CCDC30: variants seen among roughly 807,000 people sequenced by gnomAD.
CCDC30 encodes the protein coiled-coil domain-containing protein 30.
Under a neutral mutation model 100.2 loss-of-function variants are expected in CCDC30, and 70 were observed. The ratio of observed to expected loss-of-function variants is 0.70; its 90% confidence interval spans 0.58 to 0.85. The LOEUF is 0.85. CCDC30 is among the 40% of genes least tolerant of loss of function. The pLI is 0.00. For synonymous variants in CCDC30, 233 were observed against 269.5 expected, an observed-to-expected ratio of 0.86 and a Z score of 1.33; for missense variants, 652 against 771.2, an observed-to-expected ratio of 0.85 and a Z score of 1.83.
chr1:42,631,962 G>C (rs979314418), intron 11 of CCDC30, among the ~76,000 whole-genome samples: 2 of 152,114 alleles, frequency 1.3e-5, no homozygotes, highest in African/African-American at 4.8e-5. Flanking sequence ...CCTTCCTGGT[G>C]CTCTACCCTA....
At chr1:42,548,906 G>C (rs948008596) in intron 6 of CCDC30, among the ~76,000 whole-genome samples, 2 of 152,158 alleles carry the variant, frequency 1.3e-5, no homozygotes, top group Non-Finnish European at 2.9e-5. Context: ...AAGCCAAGTT[G>C]ATTGATTGAT....
chr1:42,585,095 A>ATT (rs1646042246), intron 9 of CCDC30, among the ~76,000 whole-genome samples: 1 of 152,074 alleles, frequency 6.6e-6, no homozygotes, highest in African/African-American at 2.4e-5. Flanking sequence ...TAGATTATCT[A>ATT]TTTCTCCTTG....
At chr1:42,457,299 T>G in the CCDC30 span, 2 of 1,614,244 alleles carry the variant, frequency 1.2e-6, no homozygotes, top group Non-Finnish European at 1.7e-6. Context: ...TCTATGTTCC[T>G]GTCTCTGAAA....
At chr1:42,510,777 A>C (rs966513221) in intron 6 of CCDC30, among the ~76,000 whole-genome samples, 1 of 151,988 alleles carries the variant, frequency 6.6e-6, no homozygotes, top group Non-Finnish European at 1.5e-5. Context: ...GGGGGGCCCC[A>C]AATAAGGGGG....
chr1:42,656,579 T>C (rs1038135397), downstream of CCDC30, among the ~76,000 whole-genome samples: 7 of 152,232 alleles, frequency 4.6e-5, 1 homozygote, highest in African/African-American at 1.7e-4. Flanking sequence ...TTCAGTGAGC[T>C]GAGACCACTC....
At chr1:42,490,648 C>T (rs1267777346) in intron 4 of CCDC30, among the ~76,000 whole-genome samples, 1 of 152,052 alleles carries the variant, frequency 6.6e-6, no homozygotes, top group African/African-American at 2.4e-5. Context: ...TCACAACAGT[C>T]TATGGCCATA....
intron 6 of CCDC30, among the ~76,000 whole-genome samples, chr1:42,516,385 A>G (rs867317196): frequency 6.6e-6 from 1 of 151,954 alleles, no homozygotes; most frequent in Admixed American, 6.6e-5. Context: ...TCCCTCATGA[A>G]TAGATTAAGG....
intron 11 of CCDC30, among the ~76,000 whole-genome samples, chr1:42,635,021 T>C (rs1647121952): frequency 6.6e-6 from 1 of 152,174 alleles, no homozygotes; most frequent in African/African-American, 2.4e-5. Flanking sequence ...CCTTTCTTTT[T>C]ATAACATTGT....
intron 6 of CCDC30, chr1:42,542,876 G>C (rs1378450121): frequency 2.6e-5 from 4 of 153,426 alleles, no homozygotes; most frequent in Admixed American, 2.0e-4. Flanking sequence ...AATAAAGACA[G>C]GGTCTCCCTA....
chr1:42,642,036 T>G (rs2147314), intron 12 of CCDC30, among the ~76,000 whole-genome samples: 36,287 of 151,814 alleles, frequency 0.24, 4,724 homozygotes, highest in Middle Eastern at 0.3. Context: ...CCATCCTGGC[T>G]AACACGGTGA....
At chr1:42,552,738 C>T (rs941445825) in intron 6 of CCDC30, among the ~76,000 whole-genome samples, 4 of 152,144 alleles carry the variant, frequency 2.6e-5, no homozygotes, top group Non-Finnish European at 5.9e-5. Flanking sequence ...TGACTTGTGA[C>T]TTCTCTCCCC....
At chr1:42,579,320 C>T (rs1055135430) in intron 8 of CCDC30, among the ~76,000 whole-genome samples, 4 of 151,060 alleles carry the variant, frequency 2.6e-5, no homozygotes, top group South Asian at 2.1e-4. Flanking sequence ...AAAGGAGAGG[C>T]GAGGCGAGGC....
At chr1:42,483,038 A>C (rs1239450792) in intron 3 of CCDC30, 3 of 339,602 alleles carry the variant, frequency 8.8e-6, no homozygotes, top group Non-Finnish European at 1.6e-5. Context: ...ACCACTCACC[A>C]CAAGAAATTC....
chr1:42,621,557 G>A (rs530256652), intron 11 of CCDC30, among the ~76,000 whole-genome samples: 1 of 150,814 alleles, frequency 6.6e-6, no homozygotes, highest in South Asian at 2.1e-4. Flanking sequence ...TGTGGTCTAG[G>A]CTGGAGTGCA....
In CCDC30 at chr1:42,545,605, A is replaced by G. The variant is rs1421051298; in HGVS notation, c.457-20691A>G. 3.8e-6 allele frequency: 6 copies of G among 1,570,978 alleles called. No homozygotes were observed. In the South Asian group the frequency reaches 5.9e-5, roughly 16 times the overall value. ...GTAAATTGGGAAAATCCTATATCAC[A>G]TTAATTATTCAGAGAGGGTATATTT... On this transcript the variant is annotated intron_variant, in intron 6 of 16. Coordinates refer to ENST00000668663, the Ensembl canonical transcript of CCDC30.
Position 42,545,451 on chromosome 1 carries a change from T to C in CCDC30, c.457-20845T>C, listed in dbSNP as rs200157449. 9.2e-5 allele frequency: 147 copies of C among 1,592,198 alleles called. No individual in the cohort carries two copies. In the African/African-American group the frequency reaches 1.7e-3, roughly 19 times the overall value. The stretch of plus-strand genomic sequence containing the variant: ...AAGAATTTGCACAATTAAATCATTT[T>C]ACTCTAGGGGGAAAAACTGCACCTT... On this transcript the variant is annotated intron_variant, in intron 6 of 16. Transcript: ENST00000668663.
chr1:42,615,471 A>G (rs1272216533), intron 11 of CCDC30, among the ~76,000 whole-genome samples: 3 of 151,756 alleles, frequency 2.0e-5, no homozygotes, highest in Non-Finnish European at 4.4e-5. Context: ...GCTAATTTTT[A>G]TATTTTTAAT....
chr1:42,539,393 A>C (rs1644970445), intron 6 of CCDC30, 83 bp downstream of exon 8: 2 of 1,277,690 alleles, frequency 1.6e-6, no homozygotes, highest in Non-Finnish European at 2.1e-6. Context: ...AATTTTAAGC[A>C]ACAGATGATT....
chr1:42,481,530 T>C (rs1053026887), intron 2 of CCDC30, among the ~76,000 whole-genome samples: 4 of 145,828 alleles, frequency 2.7e-5, no homozygotes, highest in Non-Finnish European at 5.9e-5. Flanking sequence ...TGAGCCGAGA[T>C]TATGTCATTG....
Sources: gnomAD v4.1 joint callset for allele counts (sites outside exome capture counted in the v4.1 genomes callset) on GRCh38, gnomAD v4.1.1 for gene constraint, MANE v1.5 for transcripts, NCBI Gene and HGNC (gene_info 2026-07-23, HGNC 2026-07-21) for gene names.